The following LMOD1 variants were observed in gnomAD, a reference collection of about 807,000 sequenced individuals.
The protein encoded by LMOD1 is leiomodin 1.
LMOD1 carries 8 observed loss-of-function variants against 36.5 expected under a neutral mutation model. The observed-to-expected ratio is 0.22, with a 90% CI of 0.13 to 0.40. The LOEUF is 0.40. Among genes scored for constraint, LMOD1 ranks in the 10% least tolerant of loss-of-function variants. The probability of loss-of-function intolerance (pLI) is 1.00; values close to 1 mark genes in which losing one functional copy is unlikely to be tolerated. For synonymous variants in LMOD1, 284 were observed against 288.7 expected (o/e 0.98, Z 0.17); for missense variants, 630 against 751.1 (o/e 0.84, Z 1.88).
At chr1:201,941,608 G>A (rs956670365) in intron 1 of LMOD1, among the ~76,000 whole-genome samples, 1 of 152,234 alleles carries the variant, frequency 6.6e-6, no homozygotes, top group African/African-American at 2.4e-5. Context: ...GGCATTCTGA[G>A]GGTTAGGCCG....
rs561946166 is a variant in LMOD1, at chr1:201,942,327, T to TA, written c.261+3752dup. Among the ~76,000 whole-genome samples, 242 of 152,292 alleles carry TA rather than the reference T, an allele frequency of 1.6e-3. 2 individuals carry two copies. The highest frequency in any genetic ancestry group is 5.5e-3 in the African/African-American group (229 of 41,550). On this transcript the variant is annotated intron_variant, in intron 1 of 2. Coordinates refer to ENST00000367288, the MANE Select transcript of LMOD1 (RefSeq NM_012134.3). ...AAAAGTCATGTCCCAAGGGCTTTGGTACAGACTGGTATTGGAGCGCTCAGA... is the reference window on the plus strand; with the variant it reads ...AAAAGTCATGTCCCAAGGGCTTTGGTAACAGACTGGTATTGGAGCGCTCAGA...
chr1:201,900,181 G>T lies in LMOD1; in HGVS notation c.832C>A (p.His278Asn), dbSNP rs1431547174. 1 of 1,613,752 alleles carries T rather than the reference G, an allele frequency of 6.2e-7. No individual in the cohort carries two copies. The highest frequency in any genetic ancestry group is 1.3e-5 in the African/African-American group (1 of 74,872). Residue 278 changes from histidine (H) to asparagine (N), a missense_variant, in exon 2 of 3, where the codon CAT becomes AAT. Physicochemically the swap from His to Asn is moderately conservative, Grantham distance 68. Coordinates refer to ENST00000367288, the MANE Select transcript of LMOD1 (RefSeq NM_012134.3). ...CTGTCATCCTTGGCTTCCTTTTCAT[G>T]TAAGGGTTCATTCTTCTTGACTTTT... ...DEKVKKNEPLHEKEAKDDSKT... is the reference protein window; with the variant it reads ...DEKVKKNEPLNEKEAKDDSKT...
At chr1:201,906,730 A>G (rs956177233) in intron 1 of LMOD1, among the ~76,000 whole-genome samples, 2 of 152,194 alleles carry the variant, frequency 1.3e-5, no homozygotes, top group African/African-American at 4.8e-5. Flanking sequence ...GAGTCTCTGG[A>G]AAAGAAGTTT....
In LMOD1 at chr1:201,946,195, A is replaced by G; in HGVS notation, c.146T>C (p.Leu49Pro). 1 of 1,613,954 alleles carries G rather than the reference A, an allele frequency of 6.2e-7. No homozygotes were observed. The highest frequency in any genetic ancestry group is 8.5e-7 in the Non-Finnish European group (1 of 1,179,884). ...TTTCTCCGTCTGGTTTCTCTGCCGC[A>G]GCCCCACGGGAACACTCCCGTCTGG... ...VDPDGSVPVG[L>P]RQRNQTEKQS... Residue 49 changes from leucine (L) to proline (P), a missense_variant, in exon 1 of 3, where the codon CTG becomes CCG. Around this residue, in one of 3 missense-constraint regions of LMOD1, gnomAD observed 405 missense variants for 400.6 expected, o/e 1.01. Coordinates refer to ENST00000367288, the MANE Select transcript of LMOD1 (RefSeq NM_012134.3).
intron 1 of LMOD1, among the ~76,000 whole-genome samples, chr1:201,913,215 C>T (rs997780990): frequency 6.6e-6 from 1 of 152,168 alleles, no homozygotes; most frequent in African/African-American, 2.4e-5. Context: ...TTTTAGCAAA[C>T]AAGAGACTTG....
chr1:201,940,889 C>T (rs1454328050), intron 1 of LMOD1, among the ~76,000 whole-genome samples: 2 of 152,058 alleles, frequency 1.3e-5, no homozygotes, highest in South Asian at 2.1e-4. Context: ...GCTGGGATTA[C>T]AGACATGTGC....
At chr1:201,914,978 T>C (rs943752782) in intron 1 of LMOD1, among the ~76,000 whole-genome samples, 9 of 152,138 alleles carry the variant, frequency 5.9e-5, no homozygotes, top group African/African-American at 1.9e-4. Context: ...TTGATCCGTA[T>C]TCATTCCTCA....
At chr1:201,917,030 C>G (rs780235309) in intron 1 of LMOD1, among the ~76,000 whole-genome samples, 4 of 152,114 alleles carry the variant, frequency 2.6e-5, no homozygotes, top group Non-Finnish European at 5.9e-5. Flanking sequence ...GAGGAGTGAA[C>G]GCCACCATCT....
chr1:201,945,458 A>G (rs1048523112), intron 1 of LMOD1, among the ~76,000 whole-genome samples: 2 of 152,088 alleles, frequency 1.3e-5, no homozygotes, highest in African/African-American at 4.8e-5. Flanking sequence ...AACTAACCAC[A>G]ACAAAAAACA....
rs1223435051 is a variant in LMOD1 at position 201,899,950 on chromosome 1, G to A, written c.1063C>T (p.Leu355=). 6.2e-7 allele frequency: 1 copy of A among 1,614,008 alleles called. No homozygotes were observed. Among genetic ancestry groups the A allele is most frequent in the East Asian group, 2.2e-5 (1 of 44,882 alleles). Residue 355 remains leucine (L), a synonymous_variant, in exon 2 of 3, where the codon CTG becomes TTG. Transcript: ENST00000367288. This position sits in a 1 kb window ranked among gnomAD's most constrained non-coding sequence, Gnocchi z 6.3. The part of the protein sequence containing the change: ...NEILVRFTEA[L]EFNTVVKLFA... ...AGCTTAACCACAGTGTTGAACTCCA[G>A]AGCCTCAGTAAACCGGACCAAGATC...
At chr1:201,940,187 T>C (rs1682088769) in intron 1 of LMOD1, among the ~76,000 whole-genome samples, 1 of 143,510 alleles carries the variant, frequency 7.0e-6, no homozygotes. Flanking sequence ...CAAGCTCTTT[T>C]TTTTTTTTTT....
In LMOD1 at chr1:201,933,531, C is replaced by CTA. The variant is rs1183086268; in HGVS notation, c.261+12547_261+12548dup. 2.1e-3 allele frequency among the ~76,000 whole-genome samples: 223 copies of CTA among 108,236 alleles called. 6 individuals carry two copies. The highest frequency in any genetic ancestry group is 5.5e-3 in the African/African-American group (169 of 30,896). 71.0% of individuals were successfully genotyped at this position (108,236 alleles called of 152,430 possible). A position where few individuals can be genotyped will look rare whatever the true frequency, so the allele number is the denominator to read the frequency against. ...CATGAGCCTTTCTCTCTCTCTCTCT[C>CTA]TATATATATAATACATATATATATA... On this transcript the variant is annotated intron_variant, in intron 1 of 2. Coordinates refer to ENST00000367288, the MANE Select transcript of LMOD1 (RefSeq NM_012134.3).
chr1:201,933,593 CA>C (rs1558242909), intron 1 of LMOD1, among the ~76,000 whole-genome samples: 27 of 75,902 alleles, frequency 3.6e-4, no homozygotes, highest in Non-Finnish European at 6.2e-4. Flanking sequence ...CATATACATA[CA>C]TTATATATAT....
intron 1 of LMOD1, among the ~76,000 whole-genome samples, chr1:201,936,140 A>C (rs569127766): frequency 6.6e-6 from 1 of 150,534 alleles, no homozygotes; most frequent in African/African-American, 2.4e-5. Context: ...TTCACCCAAT[A>C]GCTTAGGCAG....
At chr1:201,923,083 C>G (rs1245842338) in intron 1 of LMOD1, among the ~76,000 whole-genome samples, 1 of 152,132 alleles carries the variant, frequency 6.6e-6, no homozygotes, top group Non-Finnish European at 1.5e-5. Flanking sequence ...TCTCGGCCTC[C>G]CAAAGTGCTG....
At chr1:201,945,675 T>C (rs1682200301) in intron 1 of LMOD1, among the ~76,000 whole-genome samples, 1 of 152,174 alleles carries the variant, frequency 6.6e-6, no homozygotes, top group Non-Finnish European at 1.5e-5. Context: ...CTTTGTCTTT[T>C]TGGGTGGCTG....
chr1:201,929,938 G>A (rs923539600), intron 1 of LMOD1, among the ~76,000 whole-genome samples: 2 of 152,162 alleles, frequency 1.3e-5, no homozygotes, highest in Non-Finnish European at 2.9e-5. Flanking sequence ...AGGCTGGGGG[G>A]GTCCGGAAAG....
At chr1:201,900,791 C>A in intron 1 of LMOD1, 40 bp from the exon 2 acceptor site, 1 of 1,529,802 alleles carries the variant, frequency 6.5e-7, no homozygotes, top group South Asian at 1.3e-5. Context: ...GAAAAGCTGG[C>A]TACAGAGGGA....
At chr1:201,925,412 C>A (rs749917011) in intron 1 of LMOD1, among the ~76,000 whole-genome samples, 1 of 152,088 alleles carries the variant, frequency 6.6e-6, no homozygotes, top group African/African-American at 2.4e-5. Flanking sequence ...GCTTTTATTG[C>A]GCATGGATGA....
Sources: allele counts gnomAD v4.1 joint callset (sites outside exome capture counted in the v4.1 genomes callset), GRCh38; gene constraint gnomAD v4.1.1; regional missense constraint gnomAD v4.1.1; non-coding constraint Gnocchi (gnomAD v3.1); transcripts MANE v1.5; gene names NCBI Gene and HGNC (gene_info 2026-07-23, HGNC 2026-07-21).